SLC26A2: variants seen among roughly 807,000 people sequenced by gnomAD.
SLC26A2 encodes the protein solute carrier family 26 member 2.
SLC26A2 carries 36 observed loss-of-function variants against 41.1 expected under a neutral mutation model. The observed-to-expected ratio is 0.88, with a 90% CI of 0.67 to 1.16. The LOEUF (loss-of-function observed/expected upper bound fraction) is 1.16. Ranked by LOEUF, SLC26A2 falls within the 50% of genes most tolerant of loss-of-function variation. The pLI, the probability that SLC26A2 is intolerant of heterozygous loss-of-function variation, is 0.00. For synonymous variants in SLC26A2, 291 were observed against 311.6 expected, an observed-to-expected ratio of 0.93 and a Z score of 0.70; for missense variants, 796 against 869.6, an observed-to-expected ratio of 0.92 and a Z score of 1.07.
intron 1 of SLC26A2, among the ~76,000 whole-genome samples, chr5:149,964,901 T>A (rs567114570): frequency 2.7e-5 from 4 of 150,386 alleles, no homozygotes; most frequent in East Asian, 1.9e-4. Flanking sequence ...AAAATAAAAA[T>A]TTTTTTTAAA....
At chr5:149,968,519 TC>T (rs1156547775) in intron 1 of SLC26A2, among the ~76,000 whole-genome samples, 1 of 151,888 alleles carries the variant, frequency 6.6e-6, no homozygotes, top group Non-Finnish European at 1.5e-5. Context: ...CACGCCATTC[TC>T]TTGCCTCAGC....
intron 2 of SLC26A2, among the ~76,000 whole-genome samples, chr5:149,979,285 A>T (rs936773965): frequency 6.6e-6 from 1 of 152,164 alleles, no homozygotes; most frequent in Non-Finnish European, 1.5e-5. Context: ...AGGCATTTCA[A>T]ACCAACAAGG....
In SLC26A2 at chr5:149,980,576, A is replaced by G; in HGVS notation, c.983A>G (p.Lys328Arg). Reference protein sequence around the residue: ...TKELNEHFKSKLKAPIPIELV... With the variant: ...TKELNEHFKSRLKAPIPIELV... The stretch of plus-strand genomic sequence containing the variant: ...GAACTCAATGAACACTTCAAATCCA[A>G]GCTTAAGGCACCGATTCCTATTGAA... The change falls in exon 3 of 3, where the codon AAG (lysine) becomes AGG (arginine). Residue 328 changes from lysine (K) to arginine (R), a missense_variant. By Grantham distance (26) the Lys-to-Arg change is conservative (BLOSUM62 2). Transcript: ENST00000286298. The G allele has an allele frequency of 6.2e-7, 1 of 1,614,152 alleles. No homozygotes were observed. The highest frequency in any genetic ancestry group is 1.7e-5 in the Admixed American group (1 of 60,024).
chr5:149,960,998 A>C lies in SLC26A2; in HGVS notation c.-26+19A>C, dbSNP rs1456146292. On this transcript the variant is annotated intron_variant, in intron 1 of 2. Transcript: ENST00000286298. ...CCGAGAGGTGAGAAGAGGGAAGCGG[A>C]CCAGGGAAGAGGGAGGGAGCGGTGC... 1 of 152,424 alleles carries C rather than the reference A, an allele frequency of 6.6e-6. No homozygotes were observed. Among genetic ancestry groups the C allele is most frequent in the Non-Finnish European group, 1.5e-5 (1 of 68,202 alleles). 9.4% of individuals were successfully genotyped at this position (152,424 alleles called of 1,614,324 possible).
At chr5:149,965,181 C>T (rs77313739) in intron 1 of SLC26A2, among the ~76,000 whole-genome samples, 5,864 of 152,162 alleles carry the variant, frequency 0.039, 389 homozygotes, top group African/African-American at 0.13. Context: ...TCATGATTCC[C>T]CTACTTACAA....
Position 149,977,814 on chromosome 5 carries a change from C to T in SLC26A2, c.162C>T (p.Ile54=). 3.1e-6 allele frequency: 5 copies of T among 1,614,126 alleles called. No homozygotes were observed. The highest frequency in any genetic ancestry group is 1.7e-5 in the Admixed American group (1 of 60,022). ...TNDQCRPYHR[I]LIERQEKSDT... ...ATCAATGCAGACCTTATCATAGGAT[C>T]CTTATTGAGCGTCAAGAGAAATCAG... Residue 54 remains isoleucine, a synonymous_variant, in exon 2 of 3, where the codon ATC becomes ATT. Coordinates refer to ENST00000286298, the MANE Select transcript of SLC26A2 (RefSeq NM_000112.4).
At chr5:149,963,258 T>C (rs1380659426) in intron 1 of SLC26A2, among the ~76,000 whole-genome samples, 1 of 151,694 alleles carries the variant, frequency 6.6e-6, no homozygotes, top group East Asian at 1.9e-4. Context: ...TACAGGCACA[T>C]GCCACCACGC....
intron 1 of SLC26A2, among the ~76,000 whole-genome samples, chr5:149,972,305 G>T (rs1754917775): frequency 6.6e-6 from 1 of 152,140 alleles, no homozygotes; most frequent in South Asian, 2.1e-4. Flanking sequence ...GAACTTTGTG[G>T]GTTCATACTT....
chr5:149,978,148 G>A lies in SLC26A2; in HGVS notation c.496G>A (p.Gly166Arg), dbSNP rs386833506. ...TSRHISVGIF[G>R]VLCLMIGETV... Reference sequence around the variant, plus strand: ...CCGTCACATCTCTGTGGGCATTTTTGGAGTACTGTGCCTTATGATTGGTGA... The same window carrying A: ...CCGTCACATCTCTGTGGGCATTTTTAGAGTACTGTGCCTTATGATTGGTGA... The change falls in exon 2 of 3, where the codon GGA becomes AGA. Residue 166 changes from glycine (G) to arginine (R), a missense_variant. By Grantham distance (125) the Gly-to-Arg change is moderately radical (BLOSUM62 -2). Transcript: ENST00000286298. 6.2e-7 allele frequency: 1 copy of A among 1,606,346 alleles called. No homozygotes were observed. Among genetic ancestry groups the A allele is most frequent in the Non-Finnish European group, 8.5e-7 (1 of 1,175,570 alleles).
intron 1 of SLC26A2, among the ~76,000 whole-genome samples, chr5:149,970,892 G>C (rs966659560): frequency 6.6e-6 from 1 of 152,184 alleles, no homozygotes; most frequent in Non-Finnish European, 1.5e-5. Context: ...CCTAAGTTTG[G>C]GGTCTAGGTT....
intron 1 of SLC26A2, among the ~76,000 whole-genome samples, chr5:149,963,489 G>A (rs1316030133): frequency 6.6e-6 from 1 of 152,068 alleles, no homozygotes; most frequent in Non-Finnish European, 1.5e-5. Flanking sequence ...ATGTTGGCCA[G>A]GATGGTCTCA....
At chr5:149,978,373 G>T in intron 2 of SLC26A2, 22 bp downstream of exon 2, 1 of 1,570,586 alleles carries the variant, frequency 6.4e-7, no homozygotes, top group South Asian at 1.1e-5. Flanking sequence ...TGAAACAATT[G>T]GTTATTTCTA....
At chr5:149,961,376 C>T (rs1754702140) in intron 1 of SLC26A2, among the ~76,000 whole-genome samples, 1 of 152,248 alleles carries the variant, frequency 6.6e-6, no homozygotes, top group African/African-American at 2.4e-5. Context: ...CTGAGGCCGG[C>T]ACAGGCGAGA....
chr5:149,967,763 T>TTTG (rs1256735688), intron 1 of SLC26A2, among the ~76,000 whole-genome samples: 11 of 151,976 alleles, frequency 7.2e-5, no homozygotes, highest in South Asian at 2.1e-4. Context: ...TATATATATT[T>TTTG]TTGTTGTTGT....
chr5:149,970,053 A>G (rs1341887057), intron 1 of SLC26A2, among the ~76,000 whole-genome samples: 1 of 152,246 alleles, frequency 6.6e-6, no homozygotes, highest in Non-Finnish European at 1.5e-5. Flanking sequence ...AATAAGTACA[A>G]GAAAGACTGT....
At chr5:149,963,174 A>T (rs1053027436) in intron 1 of SLC26A2, among the ~76,000 whole-genome samples, 6 of 151,960 alleles carry the variant, frequency 3.9e-5, no homozygotes, top group African/African-American at 1.2e-4. Flanking sequence ...CGGTGGCGCC[A>T]TCTTGGCTCA....
rs1754985553 is a variant in SLC26A2 at position 149,975,966 on chromosome 5, T to A, written c.-25-1662T>A. 2.0e-5 allele frequency among the ~76,000 whole-genome samples: 3 copies of A among 152,136 alleles called. No individual in the cohort carries two copies. The South Asian group carries it at 6.2e-4, about 32-fold the overall frequency. On this transcript the variant is annotated intron_variant, in intron 1 of 2. Coordinates refer to ENST00000286298, the MANE Select transcript of SLC26A2 (RefSeq NM_000112.4). ...TGAGGTTAGGACTTCGAGACCAGCC[T>A]GACCAATATGGTGAAACCCTGTCTC... is the stretch of plus-strand genomic sequence containing the variant.
At chr5:149,979,064 T>C (rs1200886324) in intron 2 of SLC26A2, among the ~76,000 whole-genome samples, 1 of 152,018 alleles carries the variant, frequency 6.6e-6, no homozygotes, top group Non-Finnish European at 1.5e-5. Context: ...GCTGATCTAT[T>C]GAGCAACTCT....
chr5:149,961,838 C>T (rs1217074688), intron 1 of SLC26A2, among the ~76,000 whole-genome samples: 1 of 151,900 alleles, frequency 6.6e-6, no homozygotes, highest in African/African-American at 2.4e-5. Context: ...AAGGAATGGA[C>T]CCTTTAAAAT....
Sources: gnomAD v4.1 joint callset for allele counts (sites outside exome capture counted in the v4.1 genomes callset) on GRCh38, gnomAD v4.1.1 for gene constraint, MANE v1.5 for transcripts, NCBI Gene and HGNC (gene_info 2026-07-23, HGNC 2026-07-21) for gene names.